MOB4: variants seen among roughly 807,000 people sequenced by gnomAD.
MOB4 encodes the protein MOB-like protein phocein.
In MOB4, 4 loss-of-function variants were observed where a neutral mutation model predicts 32.2. The observed-to-expected ratio is 0.12, with a 90% CI of 0.06 to 0.28. The LOEUF (loss-of-function observed/expected upper bound fraction) is 0.28. Ranked by LOEUF, MOB4 falls within the 10% of genes least tolerant of loss-of-function variation. MOB4 has a pLI of 1.00. For synonymous variants in MOB4, 88 were observed against 88.1 expected (o/e 1.00, Z 0.01); for missense variants, 158 against 271.2 (o/e 0.58, Z 2.93).
intron 2 of MOB4, among the ~76,000 whole-genome samples, chr2:197,532,828 G>C (rs958276028): frequency 1.6e-4 from 24 of 152,170 alleles, no homozygotes; most frequent in African/African-American, 5.8e-4. Context: ...GACTGGGTGC[G>C]GTGGCTCACG....
intron 3 of MOB4, among the ~76,000 whole-genome samples, chr2:197,539,034 A>G (rs1354392329): frequency 6.6e-6 from 1 of 151,976 alleles, no homozygotes; most frequent in South Asian, 2.1e-4. Flanking sequence ...GTTCACATAT[A>G]TCCTGTTTTT....
At chr2:197,536,222 G>T (rs1489509274) in intron 3 of MOB4, among the ~76,000 whole-genome samples, 1 of 151,390 alleles carries the variant, frequency 6.6e-6, no homozygotes, top group Non-Finnish European at 1.5e-5. Context: ...CCTTTTTTTT[G>T]AAACAGGGTC....
intron 5 of MOB4, among the ~76,000 whole-genome samples, chr2:197,544,221 A>T (rs1447827653): frequency 6.6e-6 from 1 of 152,058 alleles, no homozygotes; most frequent in Non-Finnish European, 1.5e-5. Flanking sequence ...ACAGGCGTGC[A>T]CCACCATGCC....
chr2:197,543,283 G>A (rs926194028), intron 5 of MOB4, among the ~76,000 whole-genome samples: 4 of 152,060 alleles, frequency 2.6e-5, no homozygotes, highest in Non-Finnish European at 5.9e-5. Flanking sequence ...GACAGAGAGA[G>A]ACCATGTCTC....
chr2:197,523,296 T>C (rs548615502), intron 1 of MOB4, among the ~76,000 whole-genome samples: 1 of 152,148 alleles, frequency 6.6e-6, no homozygotes, highest in Non-Finnish European at 1.5e-5. Flanking sequence ...TTAAAAAACA[T>C]TAAACAGCCA....
At chr2:197,516,367 G>A in intron 1 of MOB4, 6 of 1,418,116 alleles carry the variant, frequency 4.2e-6, no homozygotes, top group Non-Finnish European at 5.5e-6. Flanking sequence ...TAGGCGTGAG[G>A]GGCGGGTGGG....
At chr2:197,539,317 A>ATTT (rs35362424) in intron 3 of MOB4, among the ~76,000 whole-genome samples, 21,631 of 126,548 alleles carry the variant, frequency 0.17, 2,149 homozygotes, top group Middle Eastern at 0.26. Flanking sequence ...TTGTAATGTA[A>ATTT]TTTTTTTTTT....
chr2:197,540,046 C>T, intron 3 of MOB4, 65 bp from the exon 4 acceptor site: 2 of 1,519,734 alleles, frequency 1.3e-6, no homozygotes, highest in Non-Finnish European at 1.8e-6. Context: ...CTTTTTGCAG[C>T]TAATATTCTA....
chr2:197,543,911 T>C (rs2086943353), intron 5 of MOB4, among the ~76,000 whole-genome samples: 1 of 152,232 alleles, frequency 6.6e-6, no homozygotes, highest in South Asian at 2.1e-4. Context: ...GACTAATTTT[T>C]GTATTTTTAG....
intron 2 of MOB4, among the ~76,000 whole-genome samples, chr2:197,527,735 T>A (rs1261654279): frequency 6.6e-6 from 1 of 152,216 alleles, no homozygotes; most frequent in Non-Finnish European, 1.5e-5. Flanking sequence ...GGCTTTTAGT[T>A]TTTCACCCTT....
At chr2:197,523,533 C>G in intron 1 of MOB4, 91 bp from the exon 2 acceptor site, 1 of 1,323,632 alleles carries the variant, frequency 7.6e-7, no homozygotes, top group Non-Finnish European at 1.0e-6. Flanking sequence ...TTTTTCTTCC[C>G]CTCTAGTGTG....
Position 197,550,658 on chromosome 2 carries a change from G to A in MOB4, c.*12G>A. The A allele has an allele frequency of 6.3e-7, 1 of 1,581,770 alleles. No homozygotes were observed. The stretch of plus-strand genomic sequence containing the variant: ...AAAGTGAAGCATGAAGGGAATCATA[G>A]GAAAAATGTACTGATCATATAATTA... On this transcript the variant is annotated 3_prime_UTR_variant, in exon 8 of 8. Transcript: ENST00000323303.
upstream of MOB4, chr2:197,516,023 C>G: frequency 6.6e-7 from 1 of 1,505,824 alleles, no homozygotes; most frequent in Non-Finnish European, 9.0e-7. Context: ...CTCTGCCCCG[C>G]CCCCCGCGCA....
chr2:197,537,400 T>TA (rs1372427752), intron 3 of MOB4, among the ~76,000 whole-genome samples: 1 of 152,218 alleles, frequency 6.6e-6, no homozygotes, highest in African/African-American at 2.4e-5. Flanking sequence ...GATTTTTAGA[T>TA]AAATAGAGTA....
intron 5 of MOB4, among the ~76,000 whole-genome samples, chr2:197,546,821 A>G (rs1477734314): frequency 6.6e-6 from 1 of 152,204 alleles, no homozygotes; most frequent in Non-Finnish European, 1.5e-5. Flanking sequence ...TGACTCCCCC[A>G]AAACTTAATT....
chr2:197,518,140 T>TCAAA (rs986203178), intron 1 of MOB4, among the ~76,000 whole-genome samples: 4 of 151,904 alleles, frequency 2.6e-5, no homozygotes, highest in Non-Finnish European at 4.4e-5. Context: ...AAACTCGGTC[T>TCAAA]CAAACAAACA....
intron 3 of MOB4, among the ~76,000 whole-genome samples, chr2:197,538,710 A>C (rs1185925557): frequency 6.6e-6 from 1 of 152,232 alleles, no homozygotes. Context: ...TTATACCCAC[A>C]GCCCTGCTGA....
intron 3 of MOB4, among the ~76,000 whole-genome samples, chr2:197,536,817 C>T (rs1039940287): frequency 3.3e-5 from 5 of 151,748 alleles, no homozygotes; most frequent in African/African-American, 7.2e-5. Flanking sequence ...AGGCTGGTCT[C>T]GAACTCCTGA....
chr2:197,535,731 A>G (rs2086785806), intron 3 of MOB4, 101 bp downstream of exon 3: 4 of 1,332,662 alleles, frequency 3.0e-6, no homozygotes, highest in Non-Finnish European at 4.1e-6. Context: ...ACTGCAGACT[A>G]AGAAGCCAAA....
Sources: allele counts gnomAD v4.1 joint callset (sites outside exome capture counted in the v4.1 genomes callset), GRCh38; gene constraint gnomAD v4.1.1; transcripts MANE v1.5; gene names NCBI Gene and HGNC (gene_info 2026-07-23, HGNC 2026-07-21).